The following PEPD variants were observed in gnomAD, a reference collection of about 807,000 sequenced individuals.
The protein encoded by PEPD is xaa-Pro dipeptidase.
Under a neutral mutation model 60.7 loss-of-function variants are expected in PEPD, and 53 were observed. The ratio of observed to expected loss-of-function variants is 0.87; its 90% CI spans 0.70 to 1.10. PEPD has a LOEUF of 1.10. PEPD is among the 50% of genes least tolerant of loss of function. The pLI is 0.00. For synonymous variants in PEPD, 267 were observed against 284.1 expected (o/e 0.94, Z 0.60); for missense variants, 711 against 711.9 (o/e 1.00, Z 0.01).
At chr19:33,438,955 A>G (rs1969431824) in intron 9 of PEPD, among the ~76,000 whole-genome samples, 1 of 152,200 alleles carries the variant, frequency 6.6e-6, no homozygotes, top group Admixed American at 6.5e-5. Context: ...CCTAAGCTCA[A>G]GTGATCCACC....
At chr19:33,455,766 G>T (rs953689007) in intron 9 of PEPD, among the ~76,000 whole-genome samples, 16 of 147,932 alleles carry the variant, frequency 1.1e-4, no homozygotes, top group African/African-American at 4.0e-4. Context: ...CTCCTGCCTT[G>T]GACTCCCAAA....
In PEPD at chr19:33,461,176, G is replaced by A. The variant is rs115181039; in HGVS notation, c.671+1819C>T. The stretch of plus-strand genomic sequence containing the variant: ...TGGAATACCTACTGAGGTATTTACA[G>A]GTGCTATGACACGATGTCTAGGATT... On this transcript the variant is annotated intron_variant, in intron 9 of 14. Transcript: ENST00000244137. 3.6e-3 allele frequency among the ~76,000 whole-genome samples: 545 copies of A among 152,292 alleles called. 6 individuals carry two copies. Among genetic ancestry groups the A allele is most frequent in the African/African-American group, 0.012 (518 of 41,552 alleles).
chr19:33,434,767 G>A (rs143723699), intron 9 of PEPD, among the ~76,000 whole-genome samples: 2 of 152,286 alleles, frequency 1.3e-5, no homozygotes, highest in South Asian at 2.1e-4. Flanking sequence ...GGTGGTCACT[G>A]GGCCTTGGGA....
In PEPD at chr19:33,387,163, G is replaced by A; in HGVS notation, c.*181C>T. On this transcript the variant is annotated 3_prime_UTR_variant, in exon 15 of 15. Coordinates refer to ENST00000244137, the MANE Select transcript of PEPD (RefSeq NM_000285.4). The stretch of plus-strand genomic sequence containing the variant: ...AGATTAAAGGTGGGAGCCTGCAAAA[G>A]GGTAATTAAAAAAGTGTTTCCTCCC... 1.6e-6 allele frequency: 1 copy of A among 622,252 alleles called. No individual in the cohort carries two copies. The highest frequency in any genetic ancestry group is 2.8e-6 in the Non-Finnish European group (1 of 356,826). The allele number at this position is 622,252 out of a possible 1,614,324, so 38.5% of individuals were successfully genotyped here.
intron 8 of PEPD, 65 bp downstream of exon 8, chr19:33,463,922 C>G: frequency 2.8e-6 from 3 of 1,070,924 alleles, no homozygotes; most frequent in Non-Finnish European, 4.3e-6. Flanking sequence ...TTCATCCTCA[C>G]GCAGTTCTCT....
chr19:33,426,101 T>C (rs1191105727), intron 9 of PEPD, among the ~76,000 whole-genome samples: 1 of 152,220 alleles, frequency 6.6e-6, no homozygotes, highest in Non-Finnish European at 1.5e-5. Context: ...ATTACAGGTG[T>C]GAGCCACTGT....
At chr19:33,455,394 A>C (rs539528422) in intron 9 of PEPD, among the ~76,000 whole-genome samples, 4 of 151,914 alleles carry the variant, frequency 2.6e-5, no homozygotes, top group Non-Finnish European at 5.9e-5. Context: ...AAAATTCGAC[A>C]TCCTTTCCTG....
chr19:33,387,774 A>T, intron 14 of PEPD, 116 bp downstream of exon 14: 2 of 928,092 alleles, frequency 2.2e-6, no homozygotes, highest in Middle Eastern at 3.2e-4. Flanking sequence ...GGGGCAGGCT[A>T]AGCCCACCTC....
chr19:33,434,402 G>A (rs1408896900), intron 9 of PEPD, among the ~76,000 whole-genome samples: 2 of 152,120 alleles, frequency 1.3e-5, no homozygotes, highest in Non-Finnish European at 2.9e-5. Flanking sequence ...GATGGTTCTA[G>A]CATCTCTGTT....
intron 6 of PEPD, among the ~76,000 whole-genome samples, chr19:33,479,289 T>G (rs945683010): frequency 2.0e-5 from 3 of 151,990 alleles, no homozygotes; most frequent in African/African-American, 7.2e-5. Flanking sequence ...GGAACAAAAA[T>G]GTTATAAGAC....
intron 4 of PEPD, among the ~76,000 whole-genome samples, chr19:33,499,193 T>C (rs975447114): frequency 2.0e-5 from 3 of 152,146 alleles, no homozygotes; most frequent in Non-Finnish European, 4.4e-5. Flanking sequence ...CACATGTGTA[T>C]TGACAGAATC....
intron 9 of PEPD, among the ~76,000 whole-genome samples, chr19:33,461,646 G>A (rs1048903417): frequency 5.3e-5 from 8 of 152,204 alleles, no homozygotes; most frequent in Admixed American, 2.0e-4. Context: ...ACAGGTTTCC[G>A]GGGCAGTGCC....
Position 33,511,399 on chromosome 19 carries a change from T to C in PEPD, c.202-244A>G. The C allele has an allele frequency of 6.1e-6, 3 of 495,722 alleles. 1 individual carries two copies. Among genetic ancestry groups the C allele is most frequent in the South Asian group, 3.8e-5 (2 of 52,334 alleles). 30.7% of individuals were successfully genotyped at this position (495,722 alleles called of 1,614,324 possible). A position where few individuals can be genotyped will look rare whatever the true frequency, so the allele number is the denominator to read the frequency against. ...GCCCTCCCTGATGCTGTGTCAGGCA[T>C]GTGCCTGAGTCCACCTGTATCCCCA... On this transcript the variant is annotated intron_variant, in intron 2 of 14. Coordinates refer to ENST00000244137, the MANE Select transcript of PEPD (RefSeq NM_000285.4).
chr19:33,431,251 G>A (rs1969267430), intron 9 of PEPD, among the ~76,000 whole-genome samples: 1 of 151,952 alleles, frequency 6.6e-6, no homozygotes, highest in Non-Finnish European at 1.5e-5. Context: ...CCTTCCCGAA[G>A]GAAGGAAGAG....
At chr19:33,460,651 GT>G (rs1367913429) in intron 9 of PEPD, among the ~76,000 whole-genome samples, 1 of 152,150 alleles carries the variant, frequency 6.6e-6, no homozygotes, top group Non-Finnish European at 1.5e-5. Context: ...GGTGGGCACG[GT>G]TTCCCCTCCC....
intron 11 of PEPD, among the ~76,000 whole-genome samples, chr19:33,407,208 T>G (rs957649391): frequency 6.6e-6 from 1 of 152,180 alleles, no homozygotes; most frequent in South Asian, 2.1e-4. Flanking sequence ...CCAGCTGCTT[T>G]CCCAACCAGA....
rs372631946 is a variant in PEPD at position 33,412,811 on chromosome 19, C to T, written c.740+764G>A. Among the ~76,000 whole-genome samples, 10 of 152,324 alleles carry T rather than the reference C, an allele frequency of 6.6e-5. No individual in the cohort carries two copies. In the East Asian group the frequency reaches 1.5e-3, roughly 24 times the overall value. ...ATCCTGGCCGGGCAGGGGCCAGACC[C>T]GAGGGGCAGAGAGCAGGGAGACTGG... is the stretch of plus-strand genomic sequence containing the variant. On this transcript the variant is annotated intron_variant, in intron 10 of 14. Coordinates refer to ENST00000244137, the MANE Select transcript of PEPD (RefSeq NM_000285.4).
intron 9 of PEPD, among the ~76,000 whole-genome samples, chr19:33,436,875 C>T (rs867904259): frequency 6.6e-5 from 10 of 152,302 alleles, no homozygotes; most frequent in Middle Eastern, 3.4e-3. Flanking sequence ...TCGCTCACAG[C>T]ACTAGCAAGG....
intron 3 of PEPD, 38 bp from the exon 4 acceptor site, chr19:33,501,039 T>C (rs1031553065): frequency 3.5e-5 from 45 of 1,279,450 alleles, no homozygotes; most frequent in Non-Finnish European, 5.1e-5. Context: ...GGTCAGGGCT[T>C]GGTAATGGCT....
Sources: allele counts gnomAD v4.1 joint callset (sites outside exome capture counted in the v4.1 genomes callset), GRCh38; gene constraint gnomAD v4.1.1; transcripts MANE v1.5; gene names NCBI Gene and HGNC (gene_info 2026-07-23, HGNC 2026-07-21).